Variants in ACTN1 observed in about 807,000 individuals in gnomAD.
The protein encoded by ACTN1 is actinin alpha 1.
Under a neutral mutation model 119.6 loss-of-function variants are expected in ACTN1, and 30 were observed. The ratio of observed to expected loss-of-function variants is 0.25; its 90% CI spans 0.19 to 0.34. The LOEUF (loss-of-function observed/expected upper bound fraction) is 0.34, where lower values mean the gene tolerates loss of function less well. ACTN1 is among the 10% of genes least tolerant of loss of function. ACTN1 has a pLI of 1.00. For missense variants in ACTN1, 764 were observed against 1,223.4 expected (o/e 0.62, Z 5.60); for synonymous variants, 429 against 472.6 (o/e 0.91, Z 1.20).
intron 1 of ACTN1, chr14:68,978,234 G>A (rs1201116721): frequency 4.4e-6 from 2 of 456,036 alleles, no homozygotes; most frequent in East Asian, 6.9e-5. Context: ...GGGGGTCGGA[G>A]GGGCAGGACG....
rs758534968 is a variant in ACTN1 at position 68,885,619 on chromosome 14, A to G, written c.1235-44T>C. 9 of 1,599,868 alleles carry G rather than the reference A, an allele frequency of 5.6e-6. No homozygotes were observed. The South Asian group carries it at 1.0e-4, about 18-fold the overall frequency. On this transcript the variant is annotated intron_variant, in intron 11 of 21. Transcript: ENST00000394419. This position sits in a 1 kb window ranked among gnomAD's most constrained non-coding sequence, Gnocchi z 5.6. ...ACATGGCTGAGCTGGAGTGAGAAGC[A>G]TCTCCTTGGTCCCAACCGCCCACCC...
chr14:68,915,664 A>G (rs1345885530), intron 3 of ACTN1, among the ~76,000 whole-genome samples: 1 of 152,202 alleles, frequency 6.6e-6, no homozygotes, highest in African/African-American at 2.4e-5. Context: ...CCCCCTGAGA[A>G]CACAATGGAC....
rs1349220687 is a variant in ACTN1 at position 68,879,104 on chromosome 14, G to A, written c.2281-35C>T. 2.5e-6 allele frequency: 4 copies of A among 1,570,172 alleles called. No homozygotes were observed. Among genetic ancestry groups the A allele is most frequent in the South Asian group, 2.3e-5 (2 of 87,616 alleles). The stretch of plus-strand genomic sequence containing the variant: ...CGGTGCGCCAGGCAGCGAGCCATGC[G>A]GTGTCAGGGAGGTGGAGCCGTGAGG... On this transcript the variant is annotated intron_variant, in intron 18 of 21. Transcript: ENST00000394419. The surrounding 1 kb of genome is among the most constrained non-coding windows in gnomAD (Gnocchi z 4.9).
intron 14 of ACTN1, among the ~76,000 whole-genome samples, chr14:68,883,924 G>A (rs2031780259): frequency 6.6e-6 from 1 of 152,216 alleles, no homozygotes; most frequent in African/African-American, 2.4e-5. Flanking sequence ...CCTTTGGGGA[G>A]AGAACTAGGG....
intron 1 of ACTN1, among the ~76,000 whole-genome samples, chr14:68,938,533 A>G (rs1365342975): frequency 2.6e-5 from 4 of 152,170 alleles, no homozygotes; most frequent in Non-Finnish European, 4.4e-5. Context: ...ATTAGACCCT[A>G]TGTCCTGAAA....
intron 2 of ACTN1, among the ~76,000 whole-genome samples, chr14:68,922,457 T>C (rs981852863): frequency 6.6e-6 from 1 of 152,250 alleles, no homozygotes; most frequent in Admixed American, 6.5e-5. Flanking sequence ...CAGTATTTCC[T>C]GTCCGGGGGG....
intron 10 of ACTN1, 105 bp from the exon 11 acceptor site, chr14:68,890,391 C>G (rs1259301150): frequency 1.5e-6 from 2 of 1,349,958 alleles, no homozygotes; most frequent in Non-Finnish European, 2.0e-6. Context: ...CAGGAAGAGC[C>G]TCTTCCCTAT....
intron 16 of ACTN1, among the ~76,000 whole-genome samples, chr14:68,881,894 G>A (rs536329974): frequency 3.3e-4 from 49 of 150,072 alleles, no homozygotes; most frequent in African/African-American, 1.0e-3. Context: ...TGGATCGGGC[G>A]CTCAGGAACT....
chr14:68,943,537 C>A (rs917581766), intron 1 of ACTN1, among the ~76,000 whole-genome samples: 1 of 152,164 alleles, frequency 6.6e-6, no homozygotes, highest in Non-Finnish European at 1.5e-5. Context: ...GCCCCCTCCC[C>A]CCAACCTTGA....
intron 1 of ACTN1, among the ~76,000 whole-genome samples, chr14:68,954,659 T>C (rs1464023352): frequency 1.3e-5 from 2 of 152,138 alleles, no homozygotes; most frequent in African/African-American, 4.8e-5. Context: ...TGTCTTTCTT[T>C]CAGCTGGACA....
At chr14:68,954,864 G>A (rs1423555719) in intron 1 of ACTN1, among the ~76,000 whole-genome samples, 1 of 152,100 alleles carries the variant, frequency 6.6e-6, no homozygotes, top group Non-Finnish European at 1.5e-5. Context: ...TTTAAAAATT[G>A]TTCCTCAGCT....
chr14:68,978,899 C>CGGGGCTGGGGGCTGGGGGCTG (rs59714290), intron 1 of ACTN1, 53 bp downstream of exon 1: 103 of 1,113,370 alleles, frequency 9.3e-5, no homozygotes, highest in Middle Eastern at 8.8e-4. Context: ...CAGAGCGGGT[C>CGGGGCTGGGGGCTGGGGGCTG]GGGGCTGGGG....
intron 1 of ACTN1, among the ~76,000 whole-genome samples, chr14:68,976,087 GTGTC>G (rs551485974): frequency 8.9e-4 from 136 of 152,346 alleles, no homozygotes; most frequent in African/African-American, 3.2e-3. Context: ...ACCTGGAACT[GTGTC>G]TGACCCAGAA....
chr14:68,887,662 C>T, intron 11 of ACTN1: 2 of 1,177,442 alleles, frequency 1.7e-6, no homozygotes, highest in Non-Finnish European at 2.3e-6. Flanking sequence ...GGATACCCTC[C>T]TTCTTAAAAA....
At chr14:68,938,343 T>C (rs2035622892) in intron 1 of ACTN1, among the ~76,000 whole-genome samples, 1 of 151,964 alleles carries the variant, frequency 6.6e-6, no homozygotes, top group Non-Finnish European at 1.5e-5. Flanking sequence ...AGATTCAGAG[T>C]AGGGGGGACT....
chr14:68,893,797 G>T, intron 8 of ACTN1, 50 bp from the exon 9 acceptor site: 1 of 1,581,158 alleles, frequency 6.3e-7, no homozygotes, highest in Admixed American at 1.7e-5. Context: ...AGCAGCAGGG[G>T]CACCTGGTAC....
intron 1 of ACTN1, among the ~76,000 whole-genome samples, chr14:68,949,157 G>A (rs1056392639): frequency 3.3e-5 from 5 of 152,210 alleles, no homozygotes; most frequent in Admixed American, 6.5e-5. Flanking sequence ...GGAGAGCCTC[G>A]GAGAGAAAAA....
At chr14:68,899,056 ACACACACCT>A (rs1233711889) in intron 8 of ACTN1, among the ~76,000 whole-genome samples, 10 of 128,542 alleles carry the variant, frequency 7.8e-5, no homozygotes, top group South Asian at 2.5e-4. Context: ...ACCTCACACC[ACACACACCT>A]CACACACCAC....
intron 3 of ACTN1, among the ~76,000 whole-genome samples, chr14:68,918,060 C>T (rs963115057): frequency 2.6e-5 from 4 of 152,174 alleles, no homozygotes; most frequent in African/African-American, 9.6e-5. Flanking sequence ...CAGAGTGAGA[C>T]CCTGTCTCAA....
Sources: gnomAD v4.1 joint callset for allele counts (sites outside exome capture counted in the v4.1 genomes callset) on GRCh38, gnomAD v4.1.1 for gene constraint, Gnocchi (gnomAD v3.1) non-coding constraint, MANE v1.5 for transcripts, NCBI Gene and HGNC (gene_info 2026-07-23, HGNC 2026-07-21) for gene names.